Variants in RASSF3 observed in about 807,000 individuals in gnomAD.
RASSF3 encodes ras association domain-containing protein 3.
In RASSF3, 19 loss-of-function variants were observed where a neutral mutation model predicts 19.9. That is an observed-to-expected ratio of 0.96 (90% CI 0.67 to 1.40). The LOEUF (loss-of-function observed/expected upper bound fraction) is 1.40. Ranked by LOEUF, RASSF3 falls within the 40% of genes most tolerant of loss-of-function variation. The pLI is 0.00. For missense variants in RASSF3, 306 were observed against 289.8 expected (o/e 1.06, Z -0.41); for synonymous variants, 110 against 104.2 (o/e 1.06, Z -0.34).
At chr12:64,559,771 C>A (rs915526047) in intron 2 of RASSF3, among the ~76,000 whole-genome samples, 1 of 152,220 alleles carries the variant, frequency 6.6e-6, no homozygotes, top group Non-Finnish European at 1.5e-5. Flanking sequence ...TCAAGGAAGT[C>A]TTGCTTTTCT....
At chr12:64,602,624 G>A (rs1186212613) in intron 2 of RASSF3, among the ~76,000 whole-genome samples, 7 of 151,642 alleles carry the variant, frequency 4.6e-5, no homozygotes, top group Admixed American at 2.0e-4. Flanking sequence ...AAGTCAGCTC[G>A]GAGCAGTGGC....
At chr12:64,574,208 G>A (rs1025002174) in intron 2 of RASSF3, among the ~76,000 whole-genome samples, 4 of 151,532 alleles carry the variant, frequency 2.6e-5, no homozygotes, top group Non-Finnish European at 5.9e-5. Flanking sequence ...CTACTCAGGA[G>A]CCTGAGGCAG....
At chr12:64,547,723 A>T (rs1479107937) in intron 2 of RASSF3, among the ~76,000 whole-genome samples, 1 of 152,256 alleles carries the variant, frequency 6.6e-6, no homozygotes, top group Non-Finnish European at 1.5e-5. Context: ...ACCATGAAGA[A>T]GATGAAACTC....
At chr12:64,661,044 T>C (rs1375517812) in intron 1 of RASSF3, among the ~76,000 whole-genome samples, 1 of 152,192 alleles carries the variant, frequency 6.6e-6, no homozygotes, top group Non-Finnish European at 1.5e-5. Flanking sequence ...GCTTGACATG[T>C]CAGAAGGTGT....
At chr12:64,659,504 T>A (rs1872271006) in intron 1 of RASSF3, among the ~76,000 whole-genome samples, 1 of 152,122 alleles carries the variant, frequency 6.6e-6, no homozygotes, top group South Asian at 2.1e-4. Flanking sequence ...GTGGACTGCT[T>A]TATTTTGGTT....
At position 64,652,505 on chromosome 12, in the gene RASSF3, G is replaced by A. The variant is rs370762451; in HGVS notation, c.112-32282G>A. On this transcript the variant is annotated intron_variant, in intron 1 of 4. Coordinates refer to ENST00000542104, the MANE Select transcript of RASSF3 (RefSeq NM_178169.4). ...CATGCCTCAGCCTCCTGAGTAGCTT[G>A]GACCAGGCTTGGCTCGAGGACTGTG... Among the ~76,000 whole-genome samples, 48 of 149,460 alleles carry A rather than the reference G, an allele frequency of 3.2e-4. 1 individual carries two copies. Among genetic ancestry groups the A allele is most frequent in the African/African-American group, 9.6e-4 (39 of 40,518 alleles).
At chr12:64,515,952 G>A (rs1868361459) in intron 1 of RASSF3, among the ~76,000 whole-genome samples, 2 of 152,006 alleles carry the variant, frequency 1.3e-5, no homozygotes, top group South Asian at 2.1e-4. Flanking sequence ...TGCATATATG[G>A]TTCAGTATTA....
intron 1 of RASSF3, among the ~76,000 whole-genome samples, chr12:64,620,014 C>T (rs867568851): frequency 8.9e-5 from 12 of 134,168 alleles, no homozygotes; most frequent in Non-Finnish European, 1.7e-4. Flanking sequence ...TGCAGGTTGA[C>T]TGTGTGTGTG....
At chr12:64,617,322 T>G (rs746411601) in intron 1 of RASSF3, among the ~76,000 whole-genome samples, 1 of 152,216 alleles carries the variant, frequency 6.6e-6, no homozygotes, top group East Asian at 1.9e-4. Context: ...TAGTTGACAA[T>G]TTATTGTGTG....
chr12:64,559,276 C>A (rs1869307389), intron 2 of RASSF3, among the ~76,000 whole-genome samples: 1 of 148,404 alleles, frequency 6.7e-6, no homozygotes, highest in Non-Finnish European at 1.5e-5. Context: ...CGGAGTCTCA[C>A]ACTGTCGTCC....
At chr12:64,663,840 C>CTTTTTTT (rs34450092) in intron 1 of RASSF3, among the ~76,000 whole-genome samples, 4 of 73,084 alleles carry the variant, frequency 5.5e-5, no homozygotes, top group Admixed American at 1.6e-4. Context: ...TTAGCCTTGC[C>CTTTTTTT]TTTTTTTTTT....
intron 2 of RASSF3, among the ~76,000 whole-genome samples, chr12:64,587,038 A>ATTCCTCGTG (rs1023630526): frequency 2.9e-4 from 42 of 144,564 alleles, no homozygotes; most frequent in African/African-American, 1.1e-3. Context: ...TATTCCTCGT[A>ATTCCTCGTG]TTCCTCGCCT....
chr12:64,600,535 C>T (rs1345695979), intron 2 of RASSF3, among the ~76,000 whole-genome samples: 1 of 152,106 alleles, frequency 6.6e-6, no homozygotes, highest in African/African-American at 2.4e-5. Flanking sequence ...ATATCTTTGC[C>T]AAAAAGATCC....
At chr12:64,534,186 A>T (rs1484302114) in intron 1 of RASSF3, among the ~76,000 whole-genome samples, 1 of 152,178 alleles carries the variant, frequency 6.6e-6, no homozygotes, top group East Asian at 1.9e-4. Context: ...GCTTGAGCCC[A>T]GGAGTTCAAG....
At chr12:64,520,555 C>CACATATATATATATATATATAT (rs1435123674) in intron 1 of RASSF3, among the ~76,000 whole-genome samples, 1 of 86,340 alleles carries the variant, frequency 1.2e-5, no homozygotes, top group Non-Finnish European at 2.5e-5. Flanking sequence ...CACATACACA[C>CACATATATATATATATATATAT]ATATATATAT....
At chr12:64,592,784 A>C (rs1307119079) in intron 2 of RASSF3, among the ~76,000 whole-genome samples, 1 of 152,104 alleles carries the variant, frequency 6.6e-6, no homozygotes, top group Non-Finnish European at 1.5e-5. Context: ...CTACAGGTGC[A>C]TGCCAAGATG....
At chr12:64,669,224 G>A (rs1872620972) in intron 1 of RASSF3, among the ~76,000 whole-genome samples, 1 of 152,126 alleles carries the variant, frequency 6.6e-6, no homozygotes, top group Admixed American at 6.5e-5. Context: ...CACATTAGAG[G>A]ACTCTATATG....
intron 1 of RASSF3, among the ~76,000 whole-genome samples, chr12:64,655,544 C>G (rs1302201009): frequency 1.3e-5 from 2 of 151,964 alleles, no homozygotes; most frequent in Non-Finnish European, 2.9e-5. Context: ...AACTCCTGGC[C>G]TTAAGTGATC....
chr12:64,558,529 C>A (rs1342903687), intron 2 of RASSF3, among the ~76,000 whole-genome samples: 3 of 152,096 alleles, frequency 2.0e-5, no homozygotes, highest in Non-Finnish European at 2.9e-5. Context: ...TTACTTACAA[C>A]CATAGTCAAG....
Sources: allele counts gnomAD v4.1 joint callset (sites outside exome capture counted in the v4.1 genomes callset), GRCh38; gene constraint gnomAD v4.1.1; transcripts MANE v1.5; gene names NCBI Gene and HGNC (gene_info 2026-07-23, HGNC 2026-07-21).